Variants in PIGN observed in about 807,000 individuals in gnomAD.
PIGN encodes GPI ethanolamine phosphate transferase 1.
Under a neutral mutation model 125.4 loss-of-function variants are expected in PIGN, and 117 were observed. The observed-to-expected ratio is 0.93, with a 90% CI of 0.80 to 1.09. The LOEUF is 1.09. PIGN is among the 50% of genes least tolerant of loss of function. The pLI, the probability that PIGN is intolerant of heterozygous loss-of-function variation, is 0.00. For synonymous variants in PIGN, 392 were observed against 377.8 expected (o/e 1.04, Z -0.44); for missense variants, 1,075 against 1,094.9 (o/e 0.98, Z 0.26).
chr18:62,083,475 AC>A (rs1683660868), intron 27 of PIGN, among the ~76,000 whole-genome samples: 1 of 152,166 alleles, frequency 6.6e-6, no homozygotes, highest in African/African-American at 2.4e-5. Flanking sequence ...CAAGTGAAGG[AC>A]ATATGAATAA....
At chr18:62,151,528 C>A (rs1469198915) in intron 7 of PIGN, among the ~76,000 whole-genome samples, 1 of 152,160 alleles carries the variant, frequency 6.6e-6, no homozygotes, top group Non-Finnish European at 1.5e-5. Flanking sequence ...TGCTCACCTC[C>A]CAAGGTTAAG....
At chr18:62,106,073 T>C (rs1568180497) in intron 19 of PIGN, among the ~76,000 whole-genome samples, 3 of 152,268 alleles carry the variant, frequency 2.0e-5, no homozygotes, top group South Asian at 2.1e-4. Flanking sequence ...AAGACATCTA[T>C]AAAAAAGGTG....
chr18:62,142,721 T>C (rs1265485106), intron 11 of PIGN, among the ~76,000 whole-genome samples: 9 of 152,224 alleles, frequency 5.9e-5, no homozygotes, highest in Admixed American at 6.5e-5. Context: ...ATAGTGAAGA[T>C]GGCTATTAAG....
intron 4 of PIGN, among the ~76,000 whole-genome samples, chr18:62,159,335 C>G (rs531695641): frequency 6.6e-6 from 1 of 152,310 alleles, no homozygotes; most frequent in East Asian, 1.9e-4. Context: ...TGGCACACAA[C>G]ACAAAACATC....
intron 23 of PIGN, among the ~76,000 whole-genome samples, chr18:62,095,188 T>C (rs2034128714): frequency 6.6e-6 from 1 of 152,240 alleles, no homozygotes; most frequent in Non-Finnish European, 1.5e-5. Flanking sequence ...TTTGTTATAA[T>C]GTACACATTT....
intron 1 of PIGN, among the ~76,000 whole-genome samples, chr18:62,166,831 C>T (rs1179631829): frequency 6.6e-6 from 1 of 152,174 alleles, no homozygotes; most frequent in Non-Finnish European, 1.5e-5. Flanking sequence ...CATGTTCTCA[C>T]TCGTGAGAGT....
rs1384213719 is a variant in PIGN at position 62,154,656 on chromosome 18, A to C, written c.443-5T>G. On this transcript the variant is annotated splice_polypyrimidine_tract_variant and splice_region_variant and intron_variant, in intron 6 of 30. Transcript: ENST00000640252. ...AAACGTGGTCTCCACTAGCACCTGAAAAGAAAATTTGGAAAAAATAATCTT... is the reference window on the plus strand; with the variant it reads ...AAACGTGGTCTCCACTAGCACCTGACAAGAAAATTTGGAAAAAATAATCTT... 3 of 1,316,828 alleles carry C rather than the reference A, an allele frequency of 2.3e-6. No individual in the cohort carries two copies. In the South Asian group the frequency reaches 3.7e-5, roughly 16 times the overall value. 81.6% of individuals were successfully genotyped at this position (1,316,828 alleles called of 1,614,324 possible). A position where few individuals can be genotyped will look rare whatever the true frequency, so the allele number is the denominator to read the frequency against.
chr18:62,063,667 G>T (rs552939404), intron 30 of PIGN, among the ~76,000 whole-genome samples: 4 of 149,098 alleles, frequency 2.7e-5, no homozygotes, highest in African/African-American at 9.8e-5. Context: ...TTTCAATTAG[G>T]GGACTTACAG....
chr18:62,039,024 A>G (rs1483875837), downstream of PIGN, among the ~76,000 whole-genome samples: 2 of 151,870 alleles, frequency 1.3e-5, no homozygotes, highest in Admixed American at 6.6e-5. Context: ...GGGCTCTAAC[A>G]TGGCTCAGAG....
intron 23 of PIGN, among the ~76,000 whole-genome samples, chr18:62,093,639 A>AG (rs1431871033): frequency 6.6e-6 from 1 of 152,166 alleles, no homozygotes; most frequent in Admixed American, 6.5e-5. Context: ...AAAATAATTA[A>AG]GTGCTGATTA....
chr18:62,119,613 G>A (rs2035220022), intron 14 of PIGN, among the ~76,000 whole-genome samples: 1 of 152,088 alleles, frequency 6.6e-6, no homozygotes, highest in Non-Finnish European at 1.5e-5. Flanking sequence ...GGAGGCCAAG[G>A]TGGGCAGATC....
At chr18:62,114,835 C>T (rs2035026950) in intron 14 of PIGN, among the ~76,000 whole-genome samples, 196 bp from the exon 15 acceptor site, 1 of 152,184 alleles carries the variant, frequency 6.6e-6, no homozygotes, top group Non-Finnish European at 1.5e-5. Flanking sequence ...ATTTGGTTTT[C>T]TTGACTCGAA....
chr18:62,080,146 T>G (rs577263344), intron 28 of PIGN, among the ~76,000 whole-genome samples: 6 of 152,016 alleles, frequency 3.9e-5, no homozygotes, highest in African/African-American at 9.6e-5. Context: ...AGTTTTTGTG[T>G]TTTTTTTCCC....
At position 62,140,400 on chromosome 18, in the gene PIGN, A is replaced by T; in HGVS notation, c.1023+20T>A. 8.7e-7 allele frequency: 1 copy of T among 1,150,592 alleles called. No individual in the cohort carries two copies. The highest frequency in any genetic ancestry group is 1.3e-6 in the Non-Finnish European group (1 of 791,674). 71.3% of individuals were successfully genotyped at this position (1,150,592 alleles called of 1,614,324 possible). ...GTTTTTTTTTATACTGAGAGTTGAT[A>T]ATAAAATTTTATTCCTTACCACTGA... On this transcript the variant is annotated intron_variant, in intron 12 of 30. Transcript: ENST00000640252.
intron 23 of PIGN, among the ~76,000 whole-genome samples, chr18:62,022,070 GT>G (rs1164803593): frequency 6.6e-6 from 1 of 152,148 alleles, no homozygotes; most frequent in Non-Finnish European, 1.5e-5. Flanking sequence ...CAACATAGCA[GT>G]TCACGTCTTC....
intron 14 of PIGN, among the ~76,000 whole-genome samples, chr18:62,115,247 CA>C (rs1280104228): frequency 6.6e-6 from 1 of 152,094 alleles, no homozygotes; most frequent in Non-Finnish European, 1.5e-5. Context: ...ACTAAATACA[CA>C]AGAGAAATAC....
chr18:62,081,178 C>T (rs548553657), intron 28 of PIGN, among the ~76,000 whole-genome samples: 2 of 152,136 alleles, frequency 1.3e-5, no homozygotes, highest in South Asian at 4.2e-4. Flanking sequence ...TATATCCACC[C>T]CCATCTTAAC....
intron 23 of PIGN, among the ~76,000 whole-genome samples, chr18:62,024,605 C>T (rs577023436): frequency 6.6e-6 from 1 of 152,280 alleles, no homozygotes; most frequent in East Asian, 1.9e-4. Context: ...CATTTTGGTA[C>T]TTGTCAGGGC....
At chr18:62,176,461 A>T (rs2037528553) in intron 1 of PIGN, among the ~76,000 whole-genome samples, 1 of 152,132 alleles carries the variant, frequency 6.6e-6, no homozygotes, top group East Asian at 1.9e-4. Context: ...AAAGGGAAAA[A>T]TACTAACAAT....
Sources: allele counts gnomAD v4.1 joint callset (sites outside exome capture counted in the v4.1 genomes callset), GRCh38; gene constraint gnomAD v4.1.1; transcripts MANE v1.5; gene names NCBI Gene and HGNC (gene_info 2026-07-23, HGNC 2026-07-21).